Variants in KIF11 observed in about 807,000 individuals in gnomAD.
KIF11 encodes kinesin family member 11.
A neutral mutation model predicts 121.0 loss-of-function variants in KIF11; 9 were observed. The observed-to-expected ratio is 0.07, with a 90% CI of 0.04 to 0.13. The LOEUF (loss-of-function observed/expected upper bound fraction) is 0.13, where lower values mean the gene tolerates loss of function less well. Among genes scored for constraint, KIF11 ranks in the 10% least tolerant of loss-of-function variants. KIF11 has a pLI of 1.00. For missense variants in KIF11, 846 were observed against 1,217.5 expected (o/e 0.69, Z 4.54); for synonymous variants, 408 against 421.0 (o/e 0.97, Z 0.38).
intron 19 of KIF11, 55 bp downstream of exon 19, chr10:92,648,489 A>G (rs367818588): frequency 3.6e-5 from 40 of 1,112,940 alleles, no homozygotes; most frequent in East Asian, 3.0e-4. Flanking sequence ...ATTCAACTCT[A>G]TGTAGTGTCA....
At chr10:92,644,577 C>T (rs1249727818) in intron 17 of KIF11, among the ~76,000 whole-genome samples, 2 of 152,172 alleles carry the variant, frequency 1.3e-5, no homozygotes, top group Non-Finnish European at 2.9e-5. Flanking sequence ...CCTCGGCCTC[C>T]CAAAGTGCTG....
chr10:92,615,990 C>T (rs1195009939), intron 8 of KIF11, among the ~76,000 whole-genome samples: 1 of 151,882 alleles, frequency 6.6e-6, no homozygotes, highest in Non-Finnish European at 1.5e-5. Context: ...CAGGCGCCAC[C>T]ACCATGCCTG....
At chr10:92,601,830 CTG>C (rs974251945) in intron 1 of KIF11, among the ~76,000 whole-genome samples, 1 of 151,964 alleles carries the variant, frequency 6.6e-6, no homozygotes, top group African/African-American at 2.4e-5. Context: ...GCATGAACCA[CTG>C]TGCTGGCCCT....
Position 92,610,015 on chromosome 10 carries a change from G to A in KIF11, c.698+506G>A, listed in dbSNP as rs1040369446. On this transcript the variant is annotated intron_variant, in intron 6 of 21. Transcript: ENST00000260731. ...GCCTCCCAAAGTGCTGAGATTACAC[G>A]TGTGAGCCACGGCGCCCGGCCTAAA... 1.6e-4 allele frequency among the ~76,000 whole-genome samples: 24 copies of A among 152,314 alleles called. No homozygotes were observed. In the East Asian group the frequency reaches 4.6e-3, roughly 29 times the overall value.
chr10:92,625,380 A>G (rs1445309908), intron 10 of KIF11, among the ~76,000 whole-genome samples: 1 of 144,854 alleles, frequency 6.9e-6, no homozygotes, highest in South Asian at 2.2e-4. Flanking sequence ...ACACAGTTTC[A>G]CTGTTGCCCA....
intron 11 of KIF11, 53 bp downstream of exon 11, chr10:92,628,948 A>G: frequency 1.0e-6 from 1 of 977,628 alleles, no homozygotes; most frequent in African/African-American, 1.7e-5. Flanking sequence ...TATTGAAAGA[A>G]AATTTTAGAA....
intron 10 of KIF11, 123 bp downstream of exon 10, chr10:92,621,596 T>TTGTGTGTGTG (rs374159901): frequency 4.2e-5 from 25 of 595,974 alleles, no homozygotes; most frequent in African/African-American, 5.9e-5. Flanking sequence ...ATACTTCATT[T>TTGTGTGTGTG]TGTGTGTGTG....
At chr10:92,626,659 A>G (rs965656912) in intron 10 of KIF11, among the ~76,000 whole-genome samples, 21 of 152,370 alleles carry the variant, frequency 1.4e-4, no homozygotes, top group African/African-American at 5.0e-4. Flanking sequence ...CATCTCATCC[A>G]TACAGTAACA....
At position 92,613,872 on chromosome 10, in the gene KIF11, G is replaced by T. The variant is rs1329124266; in HGVS notation, c.1032+253G>T. On this transcript the variant is annotated intron_variant, in intron 8 of 21. Transcript: ENST00000260731. This position sits in a 1 kb window ranked among gnomAD's most constrained non-coding sequence, Gnocchi z 4.2. ...ACAACTGTGGTCCCAGCTACTTGGG[G>T]GGCTGAGGTGGGAGGATCACTTAAG... Among the ~76,000 whole-genome samples, 2 of 151,652 alleles carry T rather than the reference G, an allele frequency of 1.3e-5. No individual in the cohort carries two copies. The highest frequency in any genetic ancestry group is 2.9e-5 in the Non-Finnish European group (2 of 67,934).
chr10:92,593,818 GCAAT>G (rs879070165), intron 1 of KIF11, among the ~76,000 whole-genome samples: 1 of 152,164 alleles, frequency 6.6e-6, no homozygotes, highest in Admixed American at 6.6e-5. Context: ...CCTCTAAAAA[GCAAT>G]CAATCACTGT....
chr10:92,634,953 T>C (rs1250566479), intron 14 of KIF11, among the ~76,000 whole-genome samples: 3 of 152,260 alleles, frequency 2.0e-5, no homozygotes, highest in Non-Finnish European at 2.9e-5. Flanking sequence ...TGGCCCCTTC[T>C]GGGCCATAAC....
At chr10:92,611,371 C>T (rs1469788368) in intron 6 of KIF11, among the ~76,000 whole-genome samples, 1 of 151,786 alleles carries the variant, frequency 6.6e-6, no homozygotes, top group Non-Finnish European at 1.5e-5. Flanking sequence ...CACCACCACG[C>T]CTGGCTAATT....
At chr10:92,650,620 A>C (rs1844970648) in intron 21 of KIF11, 103 bp downstream of exon 21, 2 of 702,594 alleles carry the variant, frequency 2.8e-6, no homozygotes, top group South Asian at 3.4e-5. Flanking sequence ...AAAACCTTTC[A>C]ATTATTCCTT....
intron 14 of KIF11, among the ~76,000 whole-genome samples, chr10:92,636,069 A>G (rs1297927280): frequency 6.6e-6 from 1 of 152,198 alleles, no homozygotes; most frequent in Non-Finnish European, 1.5e-5. Context: ...TCTTGACAAG[A>G]ACAACATCTT....
intron 9 of KIF11, 42 bp from the exon 10 acceptor site, chr10:92,621,343 A>G (rs748870884): frequency 2.4e-6 from 3 of 1,239,030 alleles, no homozygotes; most frequent in Non-Finnish European, 3.5e-6. Context: ...AACTGAATGA[A>G]AAAAGTACTA....
At chr10:92,646,334 G>A (rs913335944) in intron 18 of KIF11, among the ~76,000 whole-genome samples, 1 of 152,130 alleles carries the variant, frequency 6.6e-6, no homozygotes, top group Non-Finnish European at 1.5e-5. Context: ...GGTAACTAAA[G>A]GATACTTGAT....
chr10:92,609,369 T>C lies in KIF11; in HGVS notation c.574-16T>C, dbSNP rs768992813. 2.5e-6 allele frequency: 4 copies of C among 1,609,076 alleles called. No homozygotes were observed. The highest frequency in any genetic ancestry group is 3.4e-6 in the Non-Finnish European group (4 of 1,177,928). On this transcript the variant is annotated splice_polypyrimidine_tract_variant and intron_variant, in intron 5 of 21. Coordinates refer to ENST00000260731, the MANE Select transcript of KIF11 (RefSeq NM_004523.4). ...TTTAACCAATCTAATGGATGTTCTTTTGGTATTTTGGTCAGAGAGGAGTGA... is the reference window on the plus strand; with the variant it reads ...TTTAACCAATCTAATGGATGTTCTTCTGGTATTTTGGTCAGAGAGGAGTGA...
At chr10:92,596,582 A>G (rs1193482049) in intron 1 of KIF11, among the ~76,000 whole-genome samples, 3 of 149,638 alleles carry the variant, frequency 2.0e-5, no homozygotes, top group Non-Finnish European at 4.4e-5. Context: ...GTGAGGTGCT[A>G]TCTCATTGTA....
chr10:92,650,222 ACT>A (rs1348242446), intron 20 of KIF11, among the ~76,000 whole-genome samples, 177 bp from the exon 21 acceptor site: 4 of 152,200 alleles, frequency 2.6e-5, no homozygotes, highest in East Asian at 3.9e-4. Flanking sequence ...AGGAACCTCT[ACT>A]CTCTATAAAA....
Sources: gnomAD v4.1 joint callset for allele counts (sites outside exome capture counted in the v4.1 genomes callset) on GRCh38, gnomAD v4.1.1 for gene constraint, Gnocchi (gnomAD v3.1) non-coding constraint, MANE v1.5 for transcripts, NCBI Gene and HGNC (gene_info 2026-07-23, HGNC 2026-07-21) for gene names.